The following TMF1 variants were observed in gnomAD, a reference collection of about 807,000 sequenced individuals.
TMF1 encodes TATA element modulatory factor.
A neutral mutation model predicts 126.5 loss-of-function variants in TMF1; 71 were observed. That is an observed-to-expected ratio of 0.56 (90% CI 0.46 to 0.68). TMF1 has a LOEUF of 0.68. Ranked by LOEUF, TMF1 falls within the 30% of genes least tolerant of loss-of-function variation. The probability of loss-of-function intolerance (pLI) is 0.00; values close to 1 mark genes in which losing one functional copy is unlikely to be tolerated. For missense variants in TMF1, 1,259 were observed against 1,253.2 expected (o/e 1.00, Z -0.07); for synonymous variants, 461 against 430.5 (o/e 1.07, Z -0.88).
rs753276792 is a variant in TMF1, at chr3:69,029,902, G to T, written c.2507C>A (p.Ser836Tyr). 6.2e-7 allele frequency: 1 copy of T among 1,614,094 alleles called. No homozygotes were observed. The highest frequency in any genetic ancestry group is 8.5e-7 in the Non-Finnish European group (1 of 1,180,000). The stretch of plus-strand genomic sequence containing the variant: ...TCTACTGTTTTCCTGTCTTAAAAGA[G>T]AATTCTGTGACTCCATGGAAGACAT... ...IQMSSMESQN[S>Y]LLRQENSRFQ... The change falls in exon 11 of 17, where the codon TCT becomes TAT. Residue 836 changes from serine (S) to tyrosine (Y), a missense_variant. Ser to Tyr is a moderately radical substitution (Grantham distance 144, BLOSUM62 -2). Transcript: ENST00000398559.
At position 69,021,642 on chromosome 3, in the gene TMF1, A is replaced by G. The variant is rs1423898909; in HGVS notation, c.*1535T>C. ...TGGTGTACTTGTATCTATATTCTGA[A>G]GTACTAGTGTTTTAATTTTAACTAA... is the stretch of plus-strand genomic sequence containing the variant. On this transcript the variant is annotated 3_prime_UTR_variant, in exon 17 of 17. Coordinates refer to ENST00000398559, the MANE Select transcript of TMF1 (RefSeq NM_007114.3). 2.6e-5 allele frequency: 4 copies of G among 152,070 alleles called. No homozygotes were observed. Among genetic ancestry groups the G allele is most frequent in the Admixed American group, 2.6e-4 (4 of 15,260 alleles). 9.4% of individuals were successfully genotyped at this position (152,070 alleles called of 1,614,324 possible). A position where few individuals can be genotyped will look rare whatever the true frequency, so the allele number is the denominator to read the frequency against.
At position 69,020,164 on chromosome 3, in the gene TMF1, A is replaced by C. The variant is rs1450337462; in HGVS notation, c.*3013T>G. On this transcript the variant is annotated 3_prime_UTR_variant, in exon 17 of 17. Coordinates refer to ENST00000398559, the MANE Select transcript of TMF1 (RefSeq NM_007114.3). ...AAGCATTCAAATAAAACTCTCAATA[A>C]ATGCCAACTGAAGAGATGGAGAAAA... The C allele has an allele frequency of 6.6e-6, 1 of 152,182 alleles. No individual in the cohort carries two copies. The highest frequency in any genetic ancestry group is 1.5e-5 in the Non-Finnish European group (1 of 68,002). 9.4% of individuals were successfully genotyped at this position (152,182 alleles called of 1,614,324 possible). A position where few individuals can be genotyped will look rare whatever the true frequency, so the allele number is the denominator to read the frequency against.
At chr3:69,039,486 A>G in intron 6 of TMF1, 65 bp downstream of exon 6, 2 of 1,486,324 alleles carry the variant, frequency 1.3e-6, no homozygotes, top group Admixed American at 2.1e-5. Context: ...CTCCATAACC[A>G]TGGCCAACTG....
At position 69,024,056 on chromosome 3, in the gene TMF1, C is replaced by G; in HGVS notation, c.3137G>C (p.Arg1046Thr). Reference sequence around the variant, plus strand: ...CATCCTTAGGTGAAGAATACTTACTCTTAGCTGAGTTCTAAGTTTGGGTAT... The same window carrying G: ...CATCCTTAGGTGAAGAATACTTACTGTTAGCTGAGTTCTAAGTTTGGGTAT... ...KEIPKLRTQL[R>T]DLDQRYNTIL... The change falls in exon 16 of 17, where the codon AGA (arginine) becomes ACA (threonine). Residue 1046 changes from arginine to threonine, a missense_variant and splice_region_variant. Arg to Thr is a moderately conservative substitution (Grantham distance 71). Transcript: ENST00000398559. 1 of 1,603,770 alleles carries G rather than the reference C, an allele frequency of 6.2e-7. No individual in the cohort carries two copies. The highest frequency in any genetic ancestry group is 8.5e-7 in the Non-Finnish European group (1 of 1,176,914).
Position 69,044,472 on chromosome 3 carries a change from C to T in TMF1, c.1451+20G>A. On this transcript the variant is annotated intron_variant, in intron 3 of 16. Transcript: ENST00000398559. The stretch of plus-strand genomic sequence containing the variant: ...TTTCCAGAAAATGTGTAACATTATT[C>T]ACATTTGCAGAATACTTACTCTTTC... 2 of 1,345,370 alleles carry T rather than the reference C, an allele frequency of 1.5e-6. 1 individual carries two copies. The highest frequency in any genetic ancestry group is 2.1e-6 in the Non-Finnish European group (2 of 961,438). 83.3% of individuals were successfully genotyped at this position (1,345,370 alleles called of 1,614,324 possible).
intron 2 of TMF1, among the ~76,000 whole-genome samples, chr3:69,047,021 T>C (rs972209127): frequency 3.9e-5 from 6 of 152,192 alleles, no homozygotes; most frequent in Admixed American, 1.3e-4. Flanking sequence ...TGAAGATACA[T>C]GTTAATGTAA....
At chr3:69,040,119 C>G (rs1372936303) in intron 5 of TMF1, among the ~76,000 whole-genome samples, 1 of 152,104 alleles carries the variant, frequency 6.6e-6, no homozygotes, top group Non-Finnish European at 1.5e-5. Flanking sequence ...AAGAAAGTAA[C>G]AAATTCCCGA....
At chr3:69,043,043 T>G (rs1457727900) in intron 4 of TMF1, 131 bp from the exon 5 acceptor site, 1 of 642,876 alleles carries the variant, frequency 1.6e-6, no homozygotes. Context: ...TTTGTTCAGT[T>G]AATCTACTAC....
chr3:69,042,921 A>G lies in TMF1; in HGVS notation c.1579-9T>C. 1 of 1,580,090 alleles carries G rather than the reference A, an allele frequency of 6.3e-7. No individual in the cohort carries two copies. Among genetic ancestry groups the G allele is most frequent in the Non-Finnish European group, 8.7e-7 (1 of 1,150,486 alleles). On this transcript the variant is annotated splice_polypyrimidine_tract_variant and intron_variant, in intron 4 of 16. Coordinates refer to ENST00000398559, the MANE Select transcript of TMF1 (RefSeq NM_007114.3). ...TTTATGTTTTTGATTTCCTAATAAAAAAGAAATCTGTGAATACCGTAAAGA... is the reference window on the plus strand; with the variant it reads ...TTTATGTTTTTGATTTCCTAATAAAGAAGAAATCTGTGAATACCGTAAAGA...
At chr3:69,048,804 T>A (rs1257376312) in intron 1 of TMF1, 1 of 383,128 alleles carries the variant, frequency 2.6e-6, no homozygotes, top group Admixed American at 4.2e-5. Context: ...GACAAAAGAC[T>A]GGGCCTGGCC....
At chr3:69,051,564 G>A (rs760523896) in intron 1 of TMF1, among the ~76,000 whole-genome samples, 27 of 152,156 alleles carry the variant, frequency 1.8e-4, no homozygotes, top group Non-Finnish European at 2.5e-4. Flanking sequence ...GATGATTTAC[G>A]TACTTCAGAC....
In TMF1 at chr3:69,052,221, C is replaced by G. The variant is rs1197062217; in HGVS notation, c.-135G>C. The G allele has an allele frequency of 1.0e-6, 1 of 984,910 alleles. No homozygotes were observed. Among genetic ancestry groups the G allele is most frequent in the Non-Finnish European group, 1.4e-6 (1 of 699,832 alleles). 61.0% of individuals were successfully genotyped at this position (984,910 alleles called of 1,614,324 possible). A position where few individuals can be genotyped will look rare whatever the true frequency, so the allele number is the denominator to read the frequency against. On this transcript the variant is annotated 5_prime_UTR_variant, in exon 1 of 17. Transcript: ENST00000398559. ...TGTCAGCGTGTGGCCATTACCCCGACAGCCTCCCGCGAGCCCGGGATGTTA... is the reference window on the plus strand; with the variant it reads ...TGTCAGCGTGTGGCCATTACCCCGAGAGCCTCCCGCGAGCCCGGGATGTTA...
intron 5 of TMF1, 136 bp from the exon 6 acceptor site, chr3:69,039,829 A>C: frequency 2.2e-6 from 2 of 913,562 alleles, no homozygotes; most frequent in East Asian, 2.8e-5. Context: ...TGTTACAACT[A>C]ATTTGGACAG....
Position 69,029,978 on chromosome 3 carries a change from C to T in TMF1, c.2431G>A (p.Val811Ile), listed in dbSNP as rs1413146431. Residue 811 changes from valine (V) to isoleucine (I), a missense_variant, in exon 11 of 17, where the codon GTT becomes ATT. Coordinates refer to ENST00000398559, the MANE Select transcript of TMF1 (RefSeq NM_007114.3). The stretch of plus-strand genomic sequence containing the variant: ...TCTGTAGCTGCACGTTCTCTCTCAA[C>T]TGCTGCTGCCAGCAAGGTCTGGGAT... Reference protein sequence around the residue: ...GESQTLLAAAVERERAATEEL... With the variant: ...GESQTLLAAAIERERAATEEL... The T allele has an allele frequency of 2.5e-6, 4 of 1,613,768 alleles. No individual in the cohort carries two copies. Among genetic ancestry groups the T allele is most frequent in the Non-Finnish European group, 3.4e-6 (4 of 1,179,900 alleles).
chr3:69,041,927 A>G (rs1414921151), intron 5 of TMF1, among the ~76,000 whole-genome samples: 1 of 152,204 alleles, frequency 6.6e-6, no homozygotes, highest in East Asian at 1.9e-4. Context: ...CACGTTTTCC[A>G]AAGGCTCCTC....
chr3:69,048,162 A>T lies in TMF1; in HGVS notation c.543T>A (p.Val181=). ...GCACCTTCATATCCGATTCTTTATT[A>T]ACAGTTTCTTCGTGCTTGCCTTCAG... The part of the protein sequence containing the change: ...PKTEGKHEET[V]NKESDMKVPT... The change falls in exon 2 of 17, where the codon GTT becomes GTA. Residue 181 remains valine (V), a synonymous_variant. Coordinates refer to ENST00000398559, the MANE Select transcript of TMF1 (RefSeq NM_007114.3). 1 of 1,614,182 alleles carries T rather than the reference A, an allele frequency of 6.2e-7. No individual in the cohort carries two copies. Among genetic ancestry groups the T allele is most frequent in the South Asian group, 1.1e-5 (1 of 91,082 alleles).
chr3:69,030,047 G>A (rs1388119034), intron 10 of TMF1, 40 bp from the exon 11 acceptor site: 2 of 1,539,332 alleles, frequency 1.3e-6, no homozygotes, highest in Non-Finnish European at 1.8e-6. Context: ...TACACATACA[G>A]CCCAGAGACC....
rs762994883 is a variant in TMF1 at position 69,028,286 on chromosome 3, A to T, written c.2604T>A (p.Val868=). ...ATTCATCTTTTAGGTTTTCCAATTC[A>T]ACCTGGTACCTATTAAACAAGGCAG... is the stretch of plus-strand genomic sequence containing the variant. ...KLEDENNRYQ[V]ELENLKDEYV... Residue 868 remains valine (V), a synonymous_variant, in exon 12 of 17, where the codon GTT becomes GTA. Coordinates refer to ENST00000398559, the MANE Select transcript of TMF1 (RefSeq NM_007114.3). 3.1e-6 allele frequency: 5 copies of T among 1,609,996 alleles called. No homozygotes were observed. The South Asian group carries it at 5.5e-5, about 18-fold the overall frequency.
At chr3:69,026,996 A>T (rs1020774643) in intron 13 of TMF1, among the ~76,000 whole-genome samples, 39 of 151,870 alleles carry the variant, frequency 2.6e-4, no homozygotes, top group Non-Finnish European at 2.8e-4. Context: ...TTATTTATTT[A>T]TTTATTTTTA....
Sources: gnomAD v4.1 joint callset for allele counts (sites outside exome capture counted in the v4.1 genomes callset) on GRCh38, gnomAD v4.1.1 for gene constraint, MANE v1.5 for transcripts, NCBI Gene and HGNC (gene_info 2026-07-23, HGNC 2026-07-21) for gene names.